Variants in CREBBP observed in about 807,000 individuals in gnomAD.
The protein encoded by CREBBP is CREB binding lysine acetyltransferase, also known as CREB-binding protein.
In CREBBP, 19 loss-of-function variants were observed where a neutral mutation model predicts 265.0. The observed-to-expected ratio is 0.07, with a 90% confidence interval of 0.05 to 0.11. The LOEUF (loss-of-function observed/expected upper bound fraction) is 0.11. Ranked by LOEUF, CREBBP falls within the 10% of genes least tolerant of loss-of-function variation. The probability of loss-of-function intolerance (pLI) is 1.00; values close to 1 mark genes in which losing one functional copy is unlikely to be tolerated. For missense variants in CREBBP, 2,525 were observed against 3,219.0 expected (o/e 0.78, Z 5.22); for synonymous variants, 1,457 against 1,223.7 (o/e 1.19, Z -3.98).
At chr16:3,784,878 G>C (rs1467259268) in intron 5 of CREBBP, among the ~76,000 whole-genome samples, 1 of 152,150 alleles carries the variant, frequency 6.6e-6, no homozygotes, top group East Asian at 1.9e-4. Context: ...TGCTGACACG[G>C]TCACTGCATT....
At chr16:3,754,913 A>G (rs547746650) in intron 19 of CREBBP, among the ~76,000 whole-genome samples, 1 of 152,334 alleles carries the variant, frequency 6.6e-6, no homozygotes, top group East Asian at 1.9e-4. Context: ...TGAAAATAAA[A>G]ACATAAGCAG....
intron 2 of CREBBP, among the ~76,000 whole-genome samples, chr16:3,819,839 A>G (rs1339407335): frequency 1.3e-5 from 2 of 152,228 alleles, no homozygotes; most frequent in East Asian, 3.8e-4. Context: ...AAAACATAGA[A>G]GAACTGAACA....
At chr16:3,740,261 G>T in intron 24 of CREBBP, 138 bp downstream of exon 24, 1 of 963,556 alleles carries the variant, frequency 1.0e-6, no homozygotes, top group Non-Finnish European at 1.6e-6. Flanking sequence ...AACCGCAGCT[G>T]AGGGGGCTAC....
chr16:3,832,143 T>C (rs1204417688), intron 2 of CREBBP, among the ~76,000 whole-genome samples: 3 of 152,152 alleles, frequency 2.0e-5, no homozygotes, highest in Non-Finnish European at 4.4e-5. Flanking sequence ...AAAATTTGAA[T>C]AGCTAATACC....
intron 2 of CREBBP, among the ~76,000 whole-genome samples, chr16:3,830,366 G>A (rs1189195308): frequency 6.6e-6 from 1 of 151,932 alleles, no homozygotes; most frequent in East Asian, 1.9e-4. Context: ...TGCGCCACTG[G>A]ACTGCAGCTT....
chr16:3,772,980 T>C (rs2141211783), intron 13 of CREBBP, among the ~76,000 whole-genome samples: 1 of 150,968 alleles, frequency 6.6e-6, no homozygotes, highest in East Asian at 1.9e-4. Flanking sequence ...CCCAGGTACT[T>C]GGCAGGCTTA....
intron 19 of CREBBP, among the ~76,000 whole-genome samples, 187 bp downstream of exon 19, chr16:3,757,101 T>C (rs1377180853): frequency 9.9e-5 from 15 of 152,178 alleles, no homozygotes; most frequent in Admixed American, 9.8e-4. Context: ...ACATAACTCC[T>C]GGGCTCAAGT....
At chr16:3,833,848 C>T (rs1055054791) in intron 2 of CREBBP, among the ~76,000 whole-genome samples, 1 of 152,072 alleles carries the variant, frequency 6.6e-6, no homozygotes, top group African/African-American at 2.4e-5. Flanking sequence ...AGAAGACAAT[C>T]CACAGACTGG....
intron 23 of CREBBP, chr16:3,742,238 C>G (rs567638161): frequency 9.2e-5 from 14 of 152,424 alleles, no homozygotes; most frequent in Admixed American, 6.5e-4. Flanking sequence ...TAGGCGCAGG[C>G]CGTGCTCACT....
chr16:3,859,337 C>A (rs912329848), intron 1 of CREBBP, among the ~76,000 whole-genome samples: 2 of 152,040 alleles, frequency 1.3e-5, no homozygotes, highest in African/African-American at 4.8e-5. Context: ...GGATTACAGG[C>A]GCATACCACC....
At chr16:3,775,022 A>G (rs1437864738) in intron 11 of CREBBP, among the ~76,000 whole-genome samples, 3 of 152,158 alleles carry the variant, frequency 2.0e-5, no homozygotes, top group Non-Finnish European at 4.4e-5. Context: ...GCACAGTACC[A>G]AAGTGTCATA....
chr16:3,755,035 G>A (rs187812341), intron 19 of CREBBP, among the ~76,000 whole-genome samples: 7 of 152,206 alleles, frequency 4.6e-5, no homozygotes, highest in Non-Finnish European at 7.3e-5. Flanking sequence ...TCTGAGGAAC[G>A]CTACGCCTAC....
chr16:3,867,903 C>A (rs1036377629), intron 1 of CREBBP, among the ~76,000 whole-genome samples: 2 of 151,858 alleles, frequency 1.3e-5, no homozygotes, highest in Non-Finnish European at 2.9e-5. Context: ...ACCAGCCTGG[C>A]GGACAGAGTG....
rs776123525 is a variant in CREBBP at position 3,728,251 on chromosome 16, C to T, written c.6796G>A (p.Ala2266Thr). The T allele has an allele frequency of 2.5e-6, 4 of 1,612,692 alleles. No homozygotes were observed. Among genetic ancestry groups the T allele is most frequent in the Non-Finnish European group, 3.4e-6 (4 of 1,179,796 alleles). The part of the protein sequence containing the change: ...LQGSSMGQMA[A>T]QMGQLGQMGQ... ...ATCTGGCCAAGCTGTCCCATCTGAG[C>T]CGCCATCTGGCCCATGGAGCTGCCC... The change falls in exon 31 of 31, where the codon GCT (alanine) becomes ACT (threonine). Residue 2266 changes from alanine to threonine, a missense_variant. Physicochemically the swap from Ala to Thr is moderately conservative, Grantham distance 58. Around this residue, in one of 19 missense-constraint regions of CREBBP, gnomAD observed 473 missense variants for 459.3 expected, o/e 1.03. Transcript: ENST00000262367. The surrounding 1 kb of genome is among the most constrained non-coding windows in gnomAD (Gnocchi z 8.7).
chr16:3,749,488 T>C, intron 21 of CREBBP, 139 bp downstream of exon 21: 1 of 638,356 alleles, frequency 1.6e-6, no homozygotes, highest in African/African-American at 1.8e-5. Flanking sequence ...AATCTATATC[T>C]AAAAGATAAC....
chr16:3,849,430 TGTGTGTGTGTGTGTGTGTGTG>T (rs2054752685), intron 2 of CREBBP, among the ~76,000 whole-genome samples: 1 of 8,576 alleles, frequency 1.2e-4, no homozygotes, highest in Non-Finnish European at 1.3e-3. Context: ...TGTGTGTGTG[TGTGTGTGTGTGTGTGTGTGTG>T]TGTGTGTGTG....
chr16:3,800,149 C>G (rs1381006489), intron 3 of CREBBP, among the ~76,000 whole-genome samples: 3 of 152,180 alleles, frequency 2.0e-5, no homozygotes, highest in African/African-American at 7.2e-5. Flanking sequence ...GAGACAGGGT[C>G]TCACTGCTAC....
chr16:3,768,140 T>TTTTTTTTTTTG, intron 15 of CREBBP, among the ~76,000 whole-genome samples: 1 of 92,730 alleles, frequency 1.1e-5, no homozygotes, highest in Non-Finnish European at 2.0e-5. Flanking sequence ...AAAAGTGTTT[T>TTTTTTTTTTTG]TTTTTTTTTT....
At chr16:3,825,771 T>A (rs969350834) in intron 2 of CREBBP, among the ~76,000 whole-genome samples, 1 of 152,192 alleles carries the variant, frequency 6.6e-6, no homozygotes, top group African/African-American at 2.4e-5. Flanking sequence ...GAACCTCTTA[T>A]AAGAGACAAA....
Sources: gnomAD v4.1 joint callset for allele counts (sites outside exome capture counted in the v4.1 genomes callset) on GRCh38, gnomAD v4.1.1 for gene constraint, gnomAD v4.1.1 regional missense constraint, Gnocchi (gnomAD v3.1) non-coding constraint, MANE v1.5 for transcripts, NCBI Gene and HGNC (gene_info 2026-07-23, HGNC 2026-07-21) for gene names.